The following RBM6 variants were observed in gnomAD, a reference collection of about 807,000 sequenced individuals.
RBM6 encodes RNA-binding protein 6.
Under a neutral mutation model 140.4 loss-of-function variants are expected in RBM6, and 23 were observed. The ratio of observed to expected loss-of-function variants is 0.16; its 90% CI spans 0.12 to 0.23. The LOEUF (loss-of-function observed/expected upper bound fraction) is 0.23, where lower values mean the gene tolerates loss of function less well. Among genes scored for constraint, RBM6 ranks in the 10% least tolerant of loss-of-function variants. RBM6 has a pLI of 1.00. For synonymous variants in RBM6, 439 were observed against 475.6 expected, an observed-to-expected ratio of 0.92 and a Z score of 1.00; for missense variants, 1,139 against 1,386.7, an observed-to-expected ratio of 0.82 and a Z score of 2.84.
intron 1 of RBM6, among the ~76,000 whole-genome samples, chr3:49,950,977 A>G (rs747803021): frequency 6.6e-6 from 1 of 152,172 alleles, no homozygotes; most frequent in Non-Finnish European, 1.5e-5. Flanking sequence ...TAGATAAGGA[A>G]AATGTGGTAT....
In RBM6 at chr3:50,065,143, T is replaced by G; in HGVS notation, c.2682+17T>G. ...CCCCCTCCAGTAAGACCAACATTGA[T>G]CCCCTGGACCTAGGGCTGGGGCTGG... is the stretch of plus-strand genomic sequence containing the variant. On this transcript the variant is annotated intron_variant, in intron 16 of 20. Transcript: ENST00000266022. The G allele has an allele frequency of 6.3e-7, 1 of 1,581,636 alleles. No homozygotes were observed. The highest frequency in any genetic ancestry group is 8.7e-7 in the Non-Finnish European group (1 of 1,154,712).
At chr3:49,992,699 A>G (rs2085881611) in intron 5 of RBM6, among the ~76,000 whole-genome samples, 1 of 152,242 alleles carries the variant, frequency 6.6e-6, no homozygotes, top group Non-Finnish European at 1.5e-5. Context: ...GATGATGGTC[A>G]TTATAATTGA....
chr3:50,068,349 C>G (rs1446730338), intron 17 of RBM6, among the ~76,000 whole-genome samples: 1 of 152,148 alleles, frequency 6.6e-6, no homozygotes, highest in Non-Finnish European at 1.5e-5. Flanking sequence ...TGACTCATGT[C>G]TGGGAATGGT....
At position 49,968,181 on chromosome 3, in the gene RBM6, G is replaced by A. The variant is rs1473256365; in HGVS notation, c.756G>A (p.Thr252=). 7 of 1,613,988 alleles carry A rather than the reference G, an allele frequency of 4.3e-6. No individual in the cohort carries two copies. Among genetic ancestry groups the A allele is most frequent in the East Asian group, 2.2e-5 (1 of 44,898 alleles). Residue 252 remains threonine, a synonymous_variant, in exon 3 of 21, where the codon ACG becomes ACA. Transcript: ENST00000266022. The part of the protein sequence containing the change: ...TTDLDFRDRD[T]PHSDFRGRHR... ...ATCTAGACTTTAGGGACAGGGATACGCCACATTCAGATTTCAGAGGTAGAC... is the reference window on the plus strand; with the variant it reads ...ATCTAGACTTTAGGGACAGGGATACACCACATTCAGATTTCAGAGGTAGAC...
chr3:50,010,394 CG>C (rs939761422), intron 6 of RBM6, among the ~76,000 whole-genome samples: 3 of 151,712 alleles, frequency 2.0e-5, no homozygotes, highest in African/African-American at 7.3e-5. Context: ...GCCGGGGAGT[CG>C]GGGGGTGGCA....
At chr3:50,061,636 G>T (rs753556053) in intron 14 of RBM6, 89 bp downstream of exon 14, 1 of 1,509,354 alleles carries the variant, frequency 6.6e-7, no homozygotes, top group Admixed American at 2.7e-5. Flanking sequence ...GCTACTTGAG[G>T]ATTTTATTCC....
In RBM6 at chr3:49,967,856, A is replaced by G. The variant is rs763081214; in HGVS notation, c.431A>G (p.Asp144Gly). ...DYRGGDGTSMDYRGREAPHMN... is the reference protein window; with the variant it reads ...DYRGGDGTSMGYRGREAPHMN... The stretch of plus-strand genomic sequence containing the variant: ...AGGGGTGGAGATGGTACTTCTATGG[A>G]TTATAGAGGTAGGGAGGCACCTCAT... Residue 144 changes from aspartate to glycine, a missense_variant, in exon 3 of 21, where the codon GAT becomes GGT. Transcript: ENST00000266022. This position sits in a 1 kb window ranked among gnomAD's most constrained non-coding sequence, Gnocchi z 4.0. The G allele has an allele frequency of 6.2e-7, 1 of 1,614,164 alleles. No individual in the cohort carries two copies. The highest frequency in any genetic ancestry group is 8.5e-7 in the Non-Finnish European group (1 of 1,180,038).
intron 6 of RBM6, among the ~76,000 whole-genome samples, chr3:50,040,489 T>TAC (rs1328304322): frequency 5.7e-4 from 56 of 98,922 alleles, no homozygotes; most frequent in African/African-American, 2.1e-3. Context: ...TATATATATA[T>TAC]ATATACACAC....
intron 6 of RBM6, among the ~76,000 whole-genome samples, chr3:50,012,881 T>TA (rs2086926068): frequency 6.6e-6 from 1 of 151,878 alleles, no homozygotes; most frequent in African/African-American, 2.4e-5. Flanking sequence ...TAATTGGGAT[T>TA]ACAGCCATGC....
At chr3:50,013,410 C>T (rs1672689893) in intron 6 of RBM6, among the ~76,000 whole-genome samples, 1 of 152,116 alleles carries the variant, frequency 6.6e-6, no homozygotes, top group South Asian at 2.1e-4. Flanking sequence ...GTGGCTCACA[C>T]CTGTAATCCC....
chr3:49,999,386 T>A (rs1404836664), intron 5 of RBM6, 54 bp from the exon 6 acceptor site: 4 of 1,456,242 alleles, frequency 2.7e-6, no homozygotes. Flanking sequence ...GTGTGTCTTT[T>A]GTGTTTGCAA....
intron 6 of RBM6, among the ~76,000 whole-genome samples, chr3:50,001,649 C>G (rs1289774969): frequency 6.6e-6 from 1 of 152,054 alleles, no homozygotes; most frequent in Non-Finnish European, 1.5e-5. Context: ...CCTGTGGACA[C>G]CAAGGGACAA....
chr3:50,057,071 G>A (rs542464860), intron 8 of RBM6, among the ~76,000 whole-genome samples: 1 of 152,304 alleles, frequency 6.6e-6, no homozygotes, highest in South Asian at 2.1e-4. Flanking sequence ...GTCCCCAGAT[G>A]TGTTGTTATC....
intron 5 of RBM6, among the ~76,000 whole-genome samples, chr3:49,983,976 G>A (rs1245635720): frequency 6.6e-6 from 1 of 152,050 alleles, no homozygotes; most frequent in East Asian, 1.9e-4. Flanking sequence ...AATGACCTGG[G>A]ATTTGGCTTA....
chr3:49,957,251 G>C (rs2084036707), intron 1 of RBM6, among the ~76,000 whole-genome samples: 2 of 151,924 alleles, frequency 1.3e-5, no homozygotes, highest in Non-Finnish European at 1.5e-5. Context: ...TGGGATTACA[G>C]ATGTTAGCCA....
intron 6 of RBM6, among the ~76,000 whole-genome samples, chr3:50,010,601 T>C (rs941915280): frequency 2.0e-5 from 3 of 152,096 alleles, no homozygotes; most frequent in Non-Finnish European, 4.4e-5. Flanking sequence ...TCTTTAAATG[T>C]AGTATGAAAC....
At chr3:50,069,564 C>CATG (rs1425629633) in intron 18 of RBM6, among the ~76,000 whole-genome samples, 2 of 150,324 alleles carry the variant, frequency 1.3e-5, no homozygotes, top group Non-Finnish European at 2.9e-5. Flanking sequence ...GTGGCACATG[C>CATG]ATGTAATCCC....
rs923968970 is a variant in RBM6 at position 49,942,860 on chromosome 3, CA to C, written c.-67+2644del. On this transcript the variant is annotated intron_variant, in intron 1 of 20. Transcript: ENST00000266022. Reference sequence around the variant, plus strand: ...TGGGCTGCACAGCCAGACTCCATCTCAAAAAAAAAGAAAAAAAGAAACTGTA... The same window carrying C: ...TGGGCTGCACAGCCAGACTCCATCTCAAAAAAAAGAAAAAAAGAAACTGTA... 1.3e-4 allele frequency among the ~76,000 whole-genome samples: 20 copies of C among 150,640 alleles called. No homozygotes were observed. The South Asian group carries it at 4.0e-3, about 30-fold the overall frequency.
intron 1 of RBM6, among the ~76,000 whole-genome samples, chr3:49,951,556 T>A (rs866604628): frequency 2.8e-4 from 42 of 151,328 alleles, no homozygotes; most frequent in Admixed American, 7.9e-4. Flanking sequence ...TTATTTTATT[T>A]ATTATTTATT....
Sources: allele counts gnomAD v4.1 joint callset (sites outside exome capture counted in the v4.1 genomes callset), GRCh38; gene constraint gnomAD v4.1.1; non-coding constraint Gnocchi (gnomAD v3.1); transcripts MANE v1.5; gene names NCBI Gene and HGNC (gene_info 2026-07-23, HGNC 2026-07-21).